DENND6A: variants seen among roughly 807,000 people sequenced by gnomAD.
DENND6A encodes protein DENND6A.
Under a neutral mutation model 95.5 loss-of-function variants are expected in DENND6A, and 43 were observed. The ratio of observed to expected loss-of-function variants is 0.45; its 90% CI spans 0.35 to 0.58. DENND6A has a LOEUF of 0.58. Ranked by LOEUF, DENND6A falls within the 20% of genes least tolerant of loss-of-function variation. DENND6A has a pLI of 0.00. For missense variants in DENND6A, 574 were observed against 736.0 expected, an observed-to-expected ratio of 0.78 and a Z score of 2.55; for synonymous variants, 257 against 260.4, an observed-to-expected ratio of 0.99 and a Z score of 0.13.
At chr3:57,633,941 G>A (rs994487718) in intron 14 of DENND6A, among the ~76,000 whole-genome samples, 6 of 150,978 alleles carry the variant, frequency 4.0e-5, no homozygotes, top group African/African-American at 1.5e-4. Context: ...TTTTATATTT[G>A]CTATACTATA....
chr3:57,634,655 A>G, intron 13 of DENND6A, 33 bp from the exon 14 acceptor site: 1 of 1,483,032 alleles, frequency 6.7e-7, no homozygotes, highest in Non-Finnish European at 9.0e-7. Context: ...AAACAAAAAA[A>G]CCCAAGTACC....
chr3:57,655,590 T>G (rs2071308466), intron 9 of DENND6A, among the ~76,000 whole-genome samples: 1 of 152,188 alleles, frequency 6.6e-6, no homozygotes, highest in Non-Finnish European at 1.5e-5. Context: ...CAAAATGCAA[T>G]CAAAATTTAG....
Position 57,692,832 on chromosome 3 carries a change from G to A in DENND6A, c.187C>T (p.His63Tyr), listed in dbSNP as rs1439791041. Residue 63 changes from histidine to tyrosine, a missense_variant, in exon 1 of 20, where the codon CAC (histidine) becomes TAC (tyrosine). By Grantham distance (83) the His-to-Tyr change is moderately conservative (BLOSUM62 2). This residue lies in a region of DENND6A where 122 missense variants were observed against 105.1 expected (regional missense o/e 1.16). Coordinates refer to ENST00000311128, the MANE Select transcript of DENND6A (RefSeq NM_152678.3). The stretch of plus-strand genomic sequence containing the variant: ...TCGAAGCCCACCACACACACGCAGT[G>A]CAGCCAGGCGGAGAAGCTGTCCCAG... ...LRWDSFSAWL[H>Y]CVCVVGFDLE... 5 of 1,582,570 alleles carry A rather than the reference G, an allele frequency of 3.2e-6. No homozygotes were observed. The highest frequency in any genetic ancestry group is 1.2e-5 in the South Asian group (1 of 86,944).
At chr3:57,661,087 T>C (rs1178184494) in intron 6 of DENND6A, among the ~76,000 whole-genome samples, 2 of 152,182 alleles carry the variant, frequency 1.3e-5, no homozygotes, top group Admixed American at 6.5e-5. Context: ...TTTGTATTCA[T>C]TTATTACTAC....
intron 1 of DENND6A, 83 bp from the exon 2 acceptor site, chr3:57,672,521 G>A (rs529772655): frequency 7.8e-6 from 11 of 1,401,986 alleles, no homozygotes; most frequent in Middle Eastern, 2.5e-4. Flanking sequence ...GGTGGCTCAC[G>A]CTGGTAATCC....
chr3:57,655,373 T>G (rs2071304299), intron 9 of DENND6A, among the ~76,000 whole-genome samples: 1 of 152,300 alleles, frequency 6.6e-6, no homozygotes, highest in African/African-American at 2.4e-5. Flanking sequence ...CTTGCCCCAC[T>G]CTTAAAACAA....
chr3:57,658,983 A>T (rs2071377022), intron 8 of DENND6A, 135 bp downstream of exon 8: 3 of 762,736 alleles, frequency 3.9e-6, no homozygotes, highest in Non-Finnish European at 6.0e-6. Context: ...AATTCATTAA[A>T]AATTATTTAA....
Position 57,690,208 on chromosome 3 carries a change from C to A in DENND6A, c.237+2574G>T, listed in dbSNP as rs551298120. Among the ~76,000 whole-genome samples, 358 of 150,898 alleles carry A rather than the reference C, an allele frequency of 2.4e-3. 3 individuals are homozygous for A. Among genetic ancestry groups the A allele is most frequent in the Non-Finnish European group, 3.9e-3 (267 of 67,656 alleles). On this transcript the variant is annotated intron_variant, in intron 1 of 19. Coordinates refer to ENST00000311128, the MANE Select transcript of DENND6A (RefSeq NM_152678.3). ...AAAAAAAACAAAAAAACAAAAAAAACAAAATTAGCTGGGCAGGCCAGGCGC... is the reference window on the plus strand; with the variant it reads ...AAAAAAAACAAAAAAACAAAAAAAAAAAAATTAGCTGGGCAGGCCAGGCGC...
Position 57,672,457 on chromosome 3 carries a change from A to G in DENND6A, c.238-19T>C. ...AAATTACCTGGAAGAAAAGAGTTAA[A>G]TTTTGTTAAACATATTATAAACATT... On this transcript the variant is annotated intron_variant, in intron 1 of 19. Transcript: ENST00000311128. 6.2e-7 allele frequency: 1 copy of G among 1,607,576 alleles called. No homozygotes were observed. Among genetic ancestry groups the G allele is most frequent in the Non-Finnish European group, 8.5e-7 (1 of 1,175,850 alleles).
chr3:57,662,185 CTTTTTTTTTTTTTTTT>C (rs60063768), intron 5 of DENND6A, among the ~76,000 whole-genome samples: 1 of 79,136 alleles, frequency 1.3e-5, no homozygotes, highest in Non-Finnish European at 2.3e-5. Flanking sequence ...TTTCTTTTTT[CTTTTTTTTTTTTTTTT>C]TTTTTTTGAG....
At chr3:57,631,087 G>T in intron 15 of DENND6A, 109 bp from the exon 16 acceptor site, 1 of 890,302 alleles carries the variant, frequency 1.1e-6, no homozygotes, top group East Asian at 2.5e-5. Context: ...CCTTTCAATG[G>T]ACAGCAACAA....
intron 12 of DENND6A, among the ~76,000 whole-genome samples, chr3:57,637,152 A>G (rs764939739): frequency 6.6e-6 from 1 of 152,154 alleles, no homozygotes; most frequent in Non-Finnish European, 1.5e-5. Context: ...ATAAGAGTTT[A>G]TTTATGATGC....
chr3:57,688,219 C>T lies in DENND6A; in HGVS notation c.237+4563G>A, dbSNP rs148976099. 4.1e-3 allele frequency among the ~76,000 whole-genome samples: 630 copies of T among 152,170 alleles called. 6 individuals are homozygous for T. Among genetic ancestry groups the T allele is most frequent in the African/African-American group, 0.015 (611 of 41,530 alleles). On this transcript the variant is annotated intron_variant, in intron 1 of 19. Transcript: ENST00000311128. The stretch of plus-strand genomic sequence containing the variant: ...CCATGTTGGCTACGGCGGTCTCGAA[C>T]TCCTGACCTCAAGTGATCCACGCGC...
intron 7 of DENND6A, among the ~76,000 whole-genome samples, chr3:57,659,961 G>A (rs987970867): frequency 3.4e-4 from 51 of 152,162 alleles, no homozygotes; most frequent in African/African-American, 1.2e-3. Context: ...ACTCCAGGAG[G>A]TAGCATTTAC....
chr3:57,655,952 T>C (rs2071316252), intron 9 of DENND6A, among the ~76,000 whole-genome samples: 1 of 152,240 alleles, frequency 6.6e-6, no homozygotes, highest in African/African-American at 2.4e-5. Flanking sequence ...ATGAGTCAAG[T>C]ATCAAAACGA....
At chr3:57,688,918 G>T (rs1341396992) in intron 1 of DENND6A, among the ~76,000 whole-genome samples, 1 of 152,116 alleles carries the variant, frequency 6.6e-6, no homozygotes, top group Non-Finnish European at 1.5e-5. Context: ...ATTAATAGCA[G>T]TTGCCTCTTA....
rs541755889 is a variant in DENND6A at position 57,627,730 on chromosome 3, A to G, written c.*484T>C. 1 of 153,260 alleles carries G rather than the reference A, an allele frequency of 6.5e-6. No homozygotes were observed. The highest frequency in any genetic ancestry group is 2.1e-4 in the South Asian group (1 of 4,860). 9.5% of individuals were successfully genotyped at this position (153,260 alleles called of 1,614,324 possible). A position where few individuals can be genotyped will look rare whatever the true frequency, so the allele number is the denominator to read the frequency against. ...TCAAGACTAGCAGCTGAACTGTGAA[A>G]CATGTAGGACAACAGAAGGCACTAC... On this transcript the variant is annotated 3_prime_UTR_variant, in exon 20 of 20. Transcript: ENST00000311128.
At chr3:57,672,484 G>A in intron 1 of DENND6A, 46 bp from the exon 2 acceptor site, 2 of 1,571,080 alleles carry the variant, frequency 1.3e-6, no homozygotes. Flanking sequence ...ATAAACATTA[G>A]TTATAAACAT....
chr3:57,672,381 G>T lies in DENND6A; in HGVS notation c.276+19C>A, dbSNP rs965693393. Reference sequence around the variant, plus strand: ...CAGAAATATAACAGTAAACTATACAGAGCAGTATTTTTACTTACTTCTCTG... The same window carrying T: ...CAGAAATATAACAGTAAACTATACATAGCAGTATTTTTACTTACTTCTCTG... On this transcript the variant is annotated intron_variant, in intron 2 of 19. Coordinates refer to ENST00000311128, the MANE Select transcript of DENND6A (RefSeq NM_152678.3). 1.2e-6 allele frequency: 2 copies of T among 1,612,368 alleles called. No homozygotes were observed. The highest frequency in any genetic ancestry group is 2.7e-5 in the African/African-American group (2 of 74,902).
Sources: gnomAD v4.1 joint callset for allele counts (sites outside exome capture counted in the v4.1 genomes callset) on GRCh38, gnomAD v4.1.1 for gene constraint, gnomAD v4.1.1 regional missense constraint, MANE v1.5 for transcripts, NCBI Gene and HGNC (gene_info 2026-07-23, HGNC 2026-07-21) for gene names.